The following FBXL7 variants were observed in gnomAD, a reference collection of about 807,000 sequenced individuals.
FBXL7 encodes F-box and leucine rich repeat protein 7.
Under a neutral mutation model 38.3 loss-of-function variants are expected in FBXL7, and 12 were observed. The observed-to-expected ratio is 0.31, with a 90% CI of 0.20 to 0.51. The LOEUF (loss-of-function observed/expected upper bound fraction) is 0.51, where lower values mean the gene tolerates loss of function less well. Among genes scored for constraint, FBXL7 ranks in the 20% least tolerant of loss-of-function variants. FBXL7 has a pLI of 0.98. For missense variants in FBXL7, 567 were observed against 676.4 expected (o/e 0.84, Z 1.79); for synonymous variants, 297 against 300.9 (o/e 0.99, Z 0.13).
chr5:15,634,323 T>TTTTTG (rs1308689064), intron 2 of FBXL7, among the ~76,000 whole-genome samples: 1 of 146,980 alleles, frequency 6.8e-6, no homozygotes, highest in Non-Finnish European at 1.5e-5. Flanking sequence ...CTTTTTTTTT[T>TTTTTG]TTTTTTTTTT....
intron 2 of FBXL7, among the ~76,000 whole-genome samples, chr5:15,704,204 A>G (rs551478790): frequency 1.1e-4 from 16 of 152,254 alleles, no homozygotes; most frequent in African/African-American, 3.9e-4. Flanking sequence ...CCAAATTTAA[A>G]TGTTGCTTGT....
At chr5:15,607,982 CT>C (rs1395279833) in intron 1 of FBXL7, among the ~76,000 whole-genome samples, 6 of 152,148 alleles carry the variant, frequency 3.9e-5, no homozygotes, top group Non-Finnish European at 8.8e-5. Flanking sequence ...CTAATGGCCC[CT>C]AATGGGGGTT....
At chr5:15,567,740 TC>T (rs904228228) in intron 1 of FBXL7, among the ~76,000 whole-genome samples, 3 of 151,612 alleles carry the variant, frequency 2.0e-5, no homozygotes, top group African/African-American at 7.3e-5. Flanking sequence ...ATGCTATCCC[TC>T]CCCCCTCACC....
At chr5:15,824,551 GA>G (rs888955377) in intron 2 of FBXL7, among the ~76,000 whole-genome samples, 12 of 143,284 alleles carry the variant, frequency 8.4e-5, no homozygotes, top group East Asian at 2.0e-4. Flanking sequence ...AATTAAAATA[GA>G]AAAAAAAAAG....
chr5:15,634,038 C>T (rs1741090725), intron 2 of FBXL7, among the ~76,000 whole-genome samples: 1 of 151,898 alleles, frequency 6.6e-6, no homozygotes. Context: ...GCCTCAGCCT[C>T]CCAAAGTGCT....
At position 15,814,866 on chromosome 5, in the gene FBXL7, G is replaced by A. The variant is rs189149194; in HGVS notation, c.128-113024G>A. Reference sequence around the variant, plus strand: ...CCCACCATATTTTTCTTGGAACACCGGCTGGGTAGAGCACAGCAGTGGCCT... The same window carrying A: ...CCCACCATATTTTTCTTGGAACACCAGCTGGGTAGAGCACAGCAGTGGCCT... On this transcript the variant is annotated intron_variant, in intron 2 of 3. Coordinates refer to ENST00000504595, the MANE Select transcript of FBXL7 (RefSeq NM_012304.5). Among the ~76,000 whole-genome samples the A allele has an allele frequency of 9.8e-4, 149 of 152,160 alleles. 2 individuals are homozygous for A. The South Asian group carries it at 0.012, about 13-fold the overall frequency.
intron 2 of FBXL7, among the ~76,000 whole-genome samples, chr5:15,798,341 C>T (rs1398355247): frequency 6.6e-6 from 1 of 152,228 alleles, no homozygotes; most frequent in Admixed American, 6.5e-5. Context: ...CACTTATACA[C>T]TCTACTCTAT....
intron 2 of FBXL7, among the ~76,000 whole-genome samples, chr5:15,751,661 G>C (rs1043322492): frequency 2.0e-5 from 3 of 152,150 alleles, no homozygotes; most frequent in Admixed American, 2.0e-4. Flanking sequence ...GTCAAAGCAG[G>C]TGAAACTTAT....
At chr5:15,777,219 G>C (rs1736877261) in intron 2 of FBXL7, among the ~76,000 whole-genome samples, 1 of 151,976 alleles carries the variant, frequency 6.6e-6, no homozygotes, top group Non-Finnish European at 1.5e-5. Flanking sequence ...GGAACTAGGG[G>C]CAAACCCCCA....
chr5:15,517,048 G>A lies in FBXL7; in HGVS notation c.37+16335G>A, dbSNP rs574557464. On this transcript the variant is annotated intron_variant, in intron 1 of 3. Coordinates refer to ENST00000504595, the MANE Select transcript of FBXL7 (RefSeq NM_012304.5). ...TTATTTTTTATTTTTATTTTTTGAG[G>A]CAGAGTCTCGCTCTGTCGCCCAGGC... is the stretch of plus-strand genomic sequence containing the variant. 6.0e-5 allele frequency among the ~76,000 whole-genome samples: 9 copies of A among 151,028 alleles called. No individual in the cohort carries two copies. In the South Asian group the frequency reaches 1.7e-3, roughly 28 times the overall value.
At position 15,847,060 on chromosome 5, in the gene FBXL7, G is replaced by A. The variant is rs150845865; in HGVS notation, c.128-80830G>A. Among the ~76,000 whole-genome samples, 365 of 152,208 alleles carry A rather than the reference G, an allele frequency of 2.4e-3. 2 individuals carry two copies. The highest frequency in any genetic ancestry group is 8.5e-3 in the African/African-American group (351 of 41,524). ...TCATAATTATCCCACCCTCTTTAGA[G>A]GACAATTTAGCATACTGATCCAGAG... On this transcript the variant is annotated intron_variant, in intron 2 of 3. Coordinates refer to ENST00000504595, the MANE Select transcript of FBXL7 (RefSeq NM_012304.5).
chr5:15,891,069 G>C (rs549438358), intron 2 of FBXL7, among the ~76,000 whole-genome samples: 1 of 152,064 alleles, frequency 6.6e-6, no homozygotes, highest in East Asian at 1.9e-4. Flanking sequence ...TGGTATTGTT[G>C]GTGCCATAAC....
intron 2 of FBXL7, among the ~76,000 whole-genome samples, chr5:15,863,273 A>T (rs1739557418): frequency 1.3e-5 from 2 of 152,232 alleles, no homozygotes; most frequent in Admixed American, 1.3e-4. Context: ...CCTAAAATTA[A>T]AGATTTTCAG....
chr5:15,818,517 T>A (rs1368064570), intron 2 of FBXL7, among the ~76,000 whole-genome samples: 3 of 152,136 alleles, frequency 2.0e-5, no homozygotes, highest in Non-Finnish European at 4.4e-5. Flanking sequence ...AAATTTAAAG[T>A]TTTAAGTGAT....
At chr5:15,661,276 T>A (rs1264465328) in intron 2 of FBXL7, among the ~76,000 whole-genome samples, 1 of 152,180 alleles carries the variant, frequency 6.6e-6, no homozygotes, top group East Asian at 1.9e-4. Flanking sequence ...GGTAAAGTAA[T>A]TTATTAGTTC....
intron 2 of FBXL7, among the ~76,000 whole-genome samples, chr5:15,842,914 GA>G (rs1467312525): frequency 6.6e-6 from 1 of 152,112 alleles, no homozygotes; most frequent in African/African-American, 2.4e-5. Flanking sequence ...AGCAGGAGGA[GA>G]ACAGAATAAT....
chr5:15,839,880 G>C (rs1422009438), intron 2 of FBXL7, among the ~76,000 whole-genome samples: 1 of 151,904 alleles, frequency 6.6e-6, no homozygotes, highest in African/African-American at 2.4e-5. Context: ...ACCCCAACAG[G>C]GTGACTGCTT....
rs149865704 is a variant in FBXL7 at position 15,572,770 on chromosome 5, A to G, written c.38-43213A>G. On this transcript the variant is annotated intron_variant, in intron 1 of 3. Transcript: ENST00000504595. The stretch of plus-strand genomic sequence containing the variant: ...GAAGAGGACCTGGAGGCTGCAACCT[A>G]TAGTCTGTCTTCTCCCTTCATGCCC... Among the ~76,000 whole-genome samples, 18 of 152,294 alleles carry G rather than the reference A, an allele frequency of 1.2e-4. No homozygotes were observed. The East Asian group carries it at 2.7e-3, about 23-fold the overall frequency.
chr5:15,628,858 T>G (rs1740905135), intron 2 of FBXL7, among the ~76,000 whole-genome samples: 1 of 152,164 alleles, frequency 6.6e-6, no homozygotes, highest in South Asian at 2.1e-4. Context: ...CCTCCAACAT[T>G]ATATTTCCTG....
Sources: gnomAD v4.1 joint callset for allele counts (sites outside exome capture counted in the v4.1 genomes callset) on GRCh38, gnomAD v4.1.1 for gene constraint, MANE v1.5 for transcripts, NCBI Gene and HGNC (gene_info 2026-07-23, HGNC 2026-07-21) for gene names.